Variants in CTNND2 observed in about 807,000 individuals in gnomAD.
CTNND2 encodes the protein catenin delta 2.
Under a neutral mutation model 144.4 loss-of-function variants are expected in CTNND2, and 22 were observed. The ratio of observed to expected loss-of-function variants is 0.15; its 90% confidence interval spans 0.11 to 0.22. CTNND2 has a LOEUF of 0.22. CTNND2 is among the 10% of genes least tolerant of loss of function. The pLI, the probability that CTNND2 is intolerant of heterozygous loss-of-function variation, is 1.00. For synonymous variants in CTNND2, 751 were observed against 695.6 expected, an observed-to-expected ratio of 1.08 and a Z score of -1.25; for missense variants, 1,353 against 1,618.8, an observed-to-expected ratio of 0.84 and a Z score of 2.82.
intron 3 of CTNND2, among the ~76,000 whole-genome samples, chr5:11,532,117 GCCCCTTTGCACCAC>G (rs1208950577): frequency 6.6e-6 from 1 of 152,052 alleles, no homozygotes; most frequent in Non-Finnish European, 1.5e-5. Flanking sequence ...GAAAGGTGCA[GCCCCTTTGCACCAC>G]CTCCAAACAA....
At position 11,357,670 on chromosome 5, in the gene CTNND2, A is replaced by G. The variant is rs568018271; in HGVS notation, c.1372+7026T>C. On this transcript the variant is annotated intron_variant, in intron 8 of 21. Coordinates refer to ENST00000304623, the MANE Select transcript of CTNND2 (RefSeq NM_001332.4). ...AAATATTGTATATTACAGAATAGCT[A>G]GAAGAGAGGCTTTTGAATGTTCTCA... 3.9e-5 allele frequency among the ~76,000 whole-genome samples: 6 copies of G among 152,232 alleles called. No homozygotes were observed. The East Asian group carries it at 1.2e-3, about 29-fold the overall frequency.
chr5:11,022,671 C>A, intron 17 of CTNND2, 98 bp downstream of exon 17: 2 of 873,290 alleles, frequency 2.3e-6, no homozygotes, highest in Non-Finnish European at 3.8e-6. Flanking sequence ...CAAATGCTTT[C>A]CAGTGACAGT....
chr5:11,789,578 A>T (rs530503888), intron 1 of CTNND2, among the ~76,000 whole-genome samples: 1 of 152,118 alleles, frequency 6.6e-6, no homozygotes, highest in African/African-American at 2.4e-5. Context: ...GTATTTTGAG[A>T]TTTAATCTGA....
chr5:11,392,745 T>A (rs981791563), intron 6 of CTNND2, among the ~76,000 whole-genome samples: 4 of 152,158 alleles, frequency 2.6e-5, no homozygotes, highest in Non-Finnish European at 4.4e-5. Context: ...CCAAGGAAAA[T>A]ATGTGAAACA....
chr5:11,602,242 T>A (rs1171487237), intron 2 of CTNND2, among the ~76,000 whole-genome samples: 1 of 152,086 alleles, frequency 6.6e-6, no homozygotes, highest in South Asian at 2.1e-4. Flanking sequence ...TCAATATCAA[T>A]ATAATCATAA....
chr5:11,103,498 C>T (rs932632166), intron 14 of CTNND2, among the ~76,000 whole-genome samples: 1 of 151,710 alleles, frequency 6.6e-6, no homozygotes, highest in Non-Finnish European at 1.5e-5. Context: ...TGGTGAAACC[C>T]CACCTCTACA....
intron 2 of CTNND2, among the ~76,000 whole-genome samples, chr5:11,599,200 G>A (rs1015915393): frequency 2.0e-5 from 3 of 151,900 alleles, no homozygotes; most frequent in African/African-American, 7.3e-5. Context: ...ATATGAGTGG[G>A]GACACAGATC....
intron 9 of CTNND2, among the ~76,000 whole-genome samples, chr5:11,266,296 G>A (rs532430827): frequency 2.0e-5 from 3 of 152,082 alleles, no homozygotes; most frequent in African/African-American, 7.2e-5. Context: ...AATCACACTG[G>A]GCCAATGGAT....
chr5:11,654,322 G>C (rs1010704037), intron 2 of CTNND2, among the ~76,000 whole-genome samples: 17 of 152,060 alleles, frequency 1.1e-4, no homozygotes, highest in African/African-American at 3.9e-4. Context: ...ATCACTTTGG[G>C]TAGTGTGGAC....
chr5:11,142,007 C>T (rs1284379169), intron 12 of CTNND2, among the ~76,000 whole-genome samples: 2 of 152,158 alleles, frequency 1.3e-5, no homozygotes, highest in African/African-American at 4.8e-5. Context: ...CTCTGGCTCT[C>T]TCTTGCCCTT....
chr5:11,329,278 C>T (rs776582200), intron 9 of CTNND2, among the ~76,000 whole-genome samples: 5 of 152,150 alleles, frequency 3.3e-5, no homozygotes, highest in Non-Finnish European at 4.4e-5. Context: ...GCCTCAGCCT[C>T]TGAGTAGCTG....
At chr5:11,292,382 G>T (rs1433854963) in intron 9 of CTNND2, among the ~76,000 whole-genome samples, 1 of 151,986 alleles carries the variant, frequency 6.6e-6, no homozygotes, top group African/African-American at 2.4e-5. Context: ...AGGGAATTTG[G>T]GCCCAGATAT....
chr5:11,136,955 C>T (rs1289414293), intron 12 of CTNND2, among the ~76,000 whole-genome samples: 1 of 152,226 alleles, frequency 6.6e-6, no homozygotes, highest in Non-Finnish European at 1.5e-5. Context: ...ATTCAAGGCT[C>T]TCTTTCACAA....
At chr5:11,069,195 C>T (rs12332683) in intron 16 of CTNND2, among the ~76,000 whole-genome samples, 3,576 of 152,314 alleles carry the variant, frequency 0.023, 155 homozygotes, top group African/African-American at 0.082. Context: ...GGAGATGACA[C>T]TACTCTACTT....
intron 2 of CTNND2, among the ~76,000 whole-genome samples, chr5:11,579,147 CTTTTTTT>C (rs57335413): frequency 7.3e-6 from 1 of 137,694 alleles, no homozygotes; most frequent in Non-Finnish European, 1.6e-5. Context: ...AGTTCCTTTC[CTTTTTTT>C]TTTTTTTTTT....
intron 1 of CTNND2, among the ~76,000 whole-genome samples, chr5:11,833,233 C>A (rs1222786444): frequency 6.6e-6 from 1 of 151,950 alleles, no homozygotes; most frequent in Non-Finnish European, 1.5e-5. Context: ...ATGTCAAAGT[C>A]CATTAACTGG....
At chr5:11,739,056 C>T (rs953455727) in intron 1 of CTNND2, among the ~76,000 whole-genome samples, 1 of 152,134 alleles carries the variant, frequency 6.6e-6, no homozygotes, top group African/African-American at 2.4e-5. Context: ...ATTAAAATAA[C>T]ATTAAAAAGT....
intron 2 of CTNND2, among the ~76,000 whole-genome samples, chr5:11,692,992 T>C (rs1784979635): frequency 6.6e-6 from 1 of 152,252 alleles, no homozygotes; most frequent in South Asian, 2.1e-4. Context: ...TAAGAATTTC[T>C]GTATTTCTTC....
intron 9 of CTNND2, among the ~76,000 whole-genome samples, chr5:11,314,086 T>C (rs929886091): frequency 2.6e-5 from 4 of 152,044 alleles, no homozygotes; most frequent in African/African-American, 4.8e-5. Context: ...TCAAACCATA[T>C]CAAGCCACCA....
Sources: allele counts gnomAD v4.1 joint callset (sites outside exome capture counted in the v4.1 genomes callset), GRCh38; gene constraint gnomAD v4.1.1; transcripts MANE v1.5; gene names NCBI Gene and HGNC (gene_info 2026-07-23, HGNC 2026-07-21).